LHFPL3: variants seen among roughly 807,000 people sequenced by gnomAD.
The protein encoded by LHFPL3 is LHFPL tetraspan subfamily member 3 protein.
LHFPL3 carries 5 observed loss-of-function variants against 19.3 expected under a neutral mutation model. The ratio of observed to expected loss-of-function variants is 0.26; its 90% confidence interval spans 0.14 to 0.54. The LOEUF (loss-of-function observed/expected upper bound fraction) is 0.54. Among genes scored for constraint, LHFPL3 ranks in the 20% least tolerant of loss-of-function variants. The pLI is 0.94. For synonymous variants in LHFPL3, 133 were observed against 126.2 expected (o/e 1.05, Z -0.36); for missense variants, 249 against 307.4 (o/e 0.81, Z 1.42).
intron 2 of LHFPL3, among the ~76,000 whole-genome samples, chr7:104,807,146 G>T (rs1790376929): frequency 6.6e-6 from 1 of 151,760 alleles, no homozygotes; most frequent in African/African-American, 2.4e-5. Flanking sequence ...AGGTCATGAG[G>T]GTGGGCCTCA....
chr7:104,815,249 G>C (rs762598450), intron 2 of LHFPL3, among the ~76,000 whole-genome samples: 1 of 152,030 alleles, frequency 6.6e-6, no homozygotes, highest in African/African-American at 2.4e-5. Context: ...CCCCCACCCC[G>C]CCTCCCTGCT....
chr7:104,591,269 G>A (rs11762558), intron 1 of LHFPL3, among the ~76,000 whole-genome samples: 6,566 of 152,246 alleles, frequency 0.043, 164 homozygotes, highest in African/African-American at 0.062. Context: ...TCCTTTCCAT[G>A]TTTAGTGCTT....
rs544441717 is a variant in LHFPL3 at position 104,883,406 on chromosome 7, G to C, written c.683-22781G>C. The stretch of plus-strand genomic sequence containing the variant: ...AATTAAGCTTCCTCCTGGCAGCTGA[G>C]TGCATGATGAATTGTATTATAAGTA... On this transcript the variant is annotated intron_variant, in intron 2 of 2. Transcript: ENST00000424859. 4.6e-5 allele frequency among the ~76,000 whole-genome samples: 7 copies of C among 152,292 alleles called. No individual in the cohort carries two copies. In the East Asian group the frequency reaches 1.3e-3, roughly 29 times the overall value.
intron 2 of LHFPL3, among the ~76,000 whole-genome samples, chr7:104,758,266 C>A (rs1307498478): frequency 6.6e-6 from 1 of 152,070 alleles, no homozygotes; most frequent in African/African-American, 2.4e-5. Flanking sequence ...CTGGGTAATC[C>A]GCTAGTAGGG....
chr7:104,765,041 A>T (rs1025777175), intron 2 of LHFPL3, among the ~76,000 whole-genome samples: 3 of 152,256 alleles, frequency 2.0e-5, no homozygotes, highest in Admixed American at 6.5e-5. Flanking sequence ...CTCTTAGGAC[A>T]TCAGATCTGA....
intron 1 of LHFPL3, among the ~76,000 whole-genome samples, chr7:104,516,802 C>G (rs1000179636): frequency 6.6e-6 from 1 of 152,026 alleles, no homozygotes; most frequent in South Asian, 2.1e-4. Flanking sequence ...TGAATATATA[C>G]CCAAAGGAAT....
At chr7:104,519,223 G>T (rs925679858) in intron 1 of LHFPL3, among the ~76,000 whole-genome samples, 1 of 152,054 alleles carries the variant, frequency 6.6e-6, no homozygotes, top group African/African-American at 2.4e-5. Context: ...GTTAGAGTGG[G>T]ATTTTCAGCT....
chr7:104,362,656 T>C (rs565491478), intron 1 of LHFPL3, among the ~76,000 whole-genome samples: 11 of 152,254 alleles, frequency 7.2e-5, no homozygotes, highest in African/African-American at 2.4e-4. Context: ...GAGAGGGGAA[T>C]TGCAACAGAG....
At chr7:104,422,810 G>T (rs1248044460) in intron 1 of LHFPL3, among the ~76,000 whole-genome samples, 2 of 152,208 alleles carry the variant, frequency 1.3e-5, no homozygotes, top group East Asian at 3.9e-4. Flanking sequence ...ACCATGACAT[G>T]CTGGTGGTGA....
intron 1 of LHFPL3, among the ~76,000 whole-genome samples, chr7:104,544,866 C>G (rs1794551604): frequency 6.6e-6 from 1 of 152,136 alleles, no homozygotes; most frequent in African/African-American, 2.4e-5. Flanking sequence ...CCCGGAGAAA[C>G]AAAGAAGTTA....
chr7:104,503,194 A>G (rs1793634233), intron 1 of LHFPL3, among the ~76,000 whole-genome samples: 1 of 152,156 alleles, frequency 6.6e-6, no homozygotes, highest in South Asian at 2.1e-4. Context: ...TAGAATACTA[A>G]GAAGGTATAA....
intron 1 of LHFPL3, among the ~76,000 whole-genome samples, chr7:104,730,613 T>C (rs1793682160): frequency 6.6e-6 from 1 of 152,196 alleles, no homozygotes; most frequent in Non-Finnish European, 1.5e-5. Context: ...TCTTGTAAAT[T>C]TGTTTGAGTT....
chr7:104,519,952 T>C (rs957687272), intron 1 of LHFPL3, among the ~76,000 whole-genome samples: 1 of 152,102 alleles, frequency 6.6e-6, no homozygotes, highest in Admixed American at 6.6e-5. Flanking sequence ...GTCAAAGTCT[T>C]GGTGAATGTT....
intron 1 of LHFPL3, among the ~76,000 whole-genome samples, chr7:104,452,959 A>G (rs1461862753): frequency 6.6e-6 from 1 of 152,226 alleles, no homozygotes; most frequent in Non-Finnish European, 1.5e-5. Flanking sequence ...CTTTGAGTAA[A>G]TAAGCTGATC....
chr7:104,433,151 T>G lies in LHFPL3; in HGVS notation c.445+103927T>G, dbSNP rs1009024906. On this transcript the variant is annotated intron_variant, in intron 1 of 2. Coordinates refer to ENST00000424859, the MANE Select transcript of LHFPL3 (RefSeq NM_199000.3). ...GCCTTTTAAAATGTTATTCTTTTATTTTATTATATTTGGATGAGGATAAAA... is the reference window on the plus strand; with the variant it reads ...GCCTTTTAAAATGTTATTCTTTTATGTTATTATATTTGGATGAGGATAAAA... 5.3e-5 allele frequency among the ~76,000 whole-genome samples: 8 copies of G among 152,206 alleles called. 1 individual carries two copies. The highest frequency in any genetic ancestry group is 8.8e-5 in the Non-Finnish European group (6 of 68,034).
Position 104,328,674 on chromosome 7 carries a change from A to G in LHFPL3, c.-106A>G. On this transcript the variant is annotated 5_prime_UTR_variant, in exon 1 of 3. Transcript: ENST00000424859. The surrounding 1 kb of genome is among the most constrained non-coding windows in gnomAD (Gnocchi z 4.6). ...GGTGCTGCTGGGCTGAGGCGGAGGC[A>G]GGGGAGTTGCAGCGCGCGAGGCTCC... The G allele has an allele frequency of 1.1e-6, 1 of 935,444 alleles. No homozygotes were observed. The highest frequency in any genetic ancestry group is 2.2e-5 in the Admixed American group (1 of 46,410). 57.9% of individuals were successfully genotyped at this position (935,444 alleles called of 1,614,324 possible).
intron 1 of LHFPL3, among the ~76,000 whole-genome samples, chr7:104,600,941 A>C (rs982930087): frequency 1.3e-5 from 2 of 152,204 alleles, no homozygotes; most frequent in African/African-American, 4.8e-5. Flanking sequence ...ATCTAAGCTC[A>C]CTGCAGTCTG....
rs116938160 is a variant in LHFPL3 at position 104,481,636 on chromosome 7, G to T, written c.445+152412G>T. Among the ~76,000 whole-genome samples, 7 of 152,086 alleles carry T rather than the reference G, an allele frequency of 4.6e-5. No individual in the cohort carries two copies. In the East Asian group the frequency reaches 1.4e-3, roughly 29 times the overall value. On this transcript the variant is annotated intron_variant, in intron 1 of 2. Transcript: ENST00000424859. ...TCTAATTCATCTGTCTCGGTGCTCG[G>T]TGCTGAATCTAACACATAACAGTGC...
intron 1 of LHFPL3, among the ~76,000 whole-genome samples, chr7:104,702,558 G>A (rs1584487963): frequency 6.6e-6 from 1 of 152,172 alleles, no homozygotes; most frequent in South Asian, 2.1e-4. Flanking sequence ...AAAAGGAGAA[G>A]CTTTTCTCTT....
Sources: gnomAD v4.1 joint callset for allele counts (sites outside exome capture counted in the v4.1 genomes callset) on GRCh38, gnomAD v4.1.1 for gene constraint, Gnocchi (gnomAD v3.1) non-coding constraint, MANE v1.5 for transcripts, NCBI Gene and HGNC (gene_info 2026-07-23, HGNC 2026-07-21) for gene names.